The following CPNE8 variants were observed in gnomAD, a reference collection of about 807,000 sequenced individuals.
CPNE8 encodes the protein copine 8.
In CPNE8, 45 loss-of-function variants were observed where a neutral mutation model predicts 81.5. The ratio of observed to expected loss-of-function variants is 0.55; its 90% CI spans 0.44 to 0.71. The LOEUF (loss-of-function observed/expected upper bound fraction) is 0.71. CPNE8 is among the 30% of genes least tolerant of loss of function. CPNE8 has a pLI of 0.00. For missense variants in CPNE8, 594 were observed against 672.1 expected, an observed-to-expected ratio of 0.88 and a Z score of 1.28; for synonymous variants, 252 against 226.3, an observed-to-expected ratio of 1.11 and a Z score of -1.02.
chr12:38,783,966 A>G (rs1230390884), intron 6 of CPNE8, among the ~76,000 whole-genome samples: 1 of 152,212 alleles, frequency 6.6e-6, no homozygotes, highest in Non-Finnish European at 1.5e-5. Context: ...ATGTTCAATG[A>G]ACATCTACAA....
At chr12:38,831,993 T>A (rs146671391) in intron 5 of CPNE8, among the ~76,000 whole-genome samples, 1 of 152,326 alleles carries the variant, frequency 6.6e-6, no homozygotes, top group South Asian at 2.1e-4. Context: ...AGGATCATAT[T>A]AATATGGAGA....
intron 1 of CPNE8, 110 bp downstream of exon 1, chr12:38,905,327 T>C: frequency 7.9e-7 from 1 of 1,263,406 alleles, no homozygotes; most frequent in South Asian, 1.4e-5. Flanking sequence ...TTCCCACTCA[T>C]GGCGCAACTT....
At chr12:38,745,752 C>T (rs1565595060) in intron 10 of CPNE8, among the ~76,000 whole-genome samples, 1 of 152,070 alleles carries the variant, frequency 6.6e-6, no homozygotes, top group Admixed American at 6.6e-5. Flanking sequence ...ACTATGTTAC[C>T]CAGGCTGGTC....
At chr12:38,723,414 T>C (rs1332268319) in intron 13 of CPNE8, among the ~76,000 whole-genome samples, 1 of 152,182 alleles carries the variant, frequency 6.6e-6, no homozygotes, top group Non-Finnish European at 1.5e-5. Context: ...CTTAACCTAG[T>C]ATATACATTT....
At chr12:38,742,998 C>T (rs1412956150) in intron 10 of CPNE8, among the ~76,000 whole-genome samples, 7 of 151,838 alleles carry the variant, frequency 4.6e-5, no homozygotes, top group Non-Finnish European at 1.5e-5. Flanking sequence ...CTAAATAATT[C>T]TAAAACCCTC....
At chr12:38,723,255 G>A (rs921248737) in intron 13 of CPNE8, among the ~76,000 whole-genome samples, 3 of 152,048 alleles carry the variant, frequency 2.0e-5, no homozygotes, top group African/African-American at 7.2e-5. Context: ...CACAGGATCT[G>A]TCTGGGTTTT....
intron 3 of CPNE8, among the ~76,000 whole-genome samples, chr12:38,849,197 A>G (rs1943602905): frequency 6.6e-6 from 1 of 152,128 alleles, no homozygotes; most frequent in Admixed American, 6.5e-5. Context: ...TTTAATTCTT[A>G]CCATATCTAG....
At chr12:38,901,508 A>T (rs1409399335) in intron 1 of CPNE8, among the ~76,000 whole-genome samples, 2 of 152,224 alleles carry the variant, frequency 1.3e-5, no homozygotes, top group African/African-American at 2.4e-5. Flanking sequence ...ACCTTAGTTT[A>T]TCTCTCAAGG....
intron 4 of CPNE8, 125 bp downstream of exon 4, chr12:38,848,434 C>A: frequency 7.3e-7 from 1 of 1,378,646 alleles, no homozygotes; most frequent in Non-Finnish European, 9.4e-7. Context: ...ACACTCTGAA[C>A]AGAATTAATC....
intron 3 of CPNE8, among the ~76,000 whole-genome samples, chr12:38,870,603 G>A (rs1943977640): frequency 6.6e-6 from 1 of 152,092 alleles, no homozygotes; most frequent in Admixed American, 6.5e-5. Flanking sequence ...GAGAACACAT[G>A]GACACAGGGA....
At chr12:38,796,706 G>A (rs1165073545) in intron 6 of CPNE8, among the ~76,000 whole-genome samples, 2 of 152,122 alleles carry the variant, frequency 1.3e-5, no homozygotes, top group Non-Finnish European at 2.9e-5. Flanking sequence ...AGGACAGTGG[G>A]TGGAGCGCAC....
Position 38,687,370 on chromosome 12 carries a change from C to CTTTTTTTTTTTT in CPNE8, c.1144-1754_1144-1753insAAAAAAAAAAAA, listed in dbSNP as rs35643732. Reference sequence around the variant, plus strand: ...GCTACCAAATTACGAAATGCCAAGACTTTCTTTTTTTTTTTTTTTTTTTTT... The same window carrying CTTTTTTTTTTTT: ...GCTACCAAATTACGAAATGCCAAGACTTTTTTTTTTTTTTTCTTTTTTTTTTTTTTTTTTTTT... On this transcript the variant is annotated intron_variant, in intron 15 of 19. Transcript: ENST00000331366. Among the ~76,000 whole-genome samples the CTTTTTTTTTTTT allele has an allele frequency of 2.1e-5, 2 of 95,494 alleles. 1 individual carries two copies. Among genetic ancestry groups the CTTTTTTTTTTTT allele is most frequent in the Non-Finnish European group, 4.3e-5 (2 of 46,860 alleles). The allele number at this position is 95,494 out of a possible 152,430, so 62.6% of individuals were successfully genotyped here. A position where few individuals can be genotyped will look rare whatever the true frequency, so the allele number is the denominator to read the frequency against.
intron 5 of CPNE8, among the ~76,000 whole-genome samples, chr12:38,837,196 G>A (rs971472734): frequency 5.3e-5 from 8 of 151,994 alleles, no homozygotes; most frequent in Non-Finnish European, 1.2e-4. Context: ...GCATTTTTTT[G>A]TTAGAAGGAA....
chr12:38,682,231 G>A (rs1044650117), intron 16 of CPNE8, among the ~76,000 whole-genome samples: 13 of 151,106 alleles, frequency 8.6e-5, no homozygotes, highest in Admixed American at 2.6e-4. Flanking sequence ...AAACCAAAAA[G>A]GTTCTTTAGT....
At chr12:38,655,124 G>A (rs1345053142) in intron 19 of CPNE8, among the ~76,000 whole-genome samples, 1 of 152,096 alleles carries the variant, frequency 6.6e-6, no homozygotes, top group Non-Finnish European at 1.5e-5. Context: ...GGAACAAAAA[G>A]TAATTGCAGT....
Position 38,687,661 on chromosome 12 carries a change from C to T in CPNE8, c.1144-2044G>A, listed in dbSNP as rs544844398. On this transcript the variant is annotated intron_variant, in intron 15 of 19. Coordinates refer to ENST00000331366, the MANE Select transcript of CPNE8 (RefSeq NM_153634.3). ...CCTCCCAAAGTGCTGGGATTACAGG[C>T]GTGAGCCACCGCACCCGGCCAAAAT... Among the ~76,000 whole-genome samples, 15 of 152,192 alleles carry T rather than the reference C, an allele frequency of 9.9e-5. No individual in the cohort carries two copies. In the East Asian group the frequency reaches 2.3e-3, roughly 24 times the overall value.
chr12:38,690,216 T>C (rs993806385), intron 15 of CPNE8, among the ~76,000 whole-genome samples: 7 of 152,224 alleles, frequency 4.6e-5, no homozygotes, highest in Non-Finnish European at 1.0e-4. Context: ...AGGTAGTTCA[T>C]GAAAGACAAG....
chr12:38,660,931 T>G (rs1323090368), intron 19 of CPNE8, among the ~76,000 whole-genome samples: 3 of 152,148 alleles, frequency 2.0e-5, no homozygotes, highest in African/African-American at 4.8e-5. Context: ...CCAGTTAGAA[T>G]GGCAATCATT....
rs1328366282 is a variant in CPNE8, at chr12:38,699,830, C to T, written c.961+3045G>A. On this transcript the variant is annotated intron_variant, in intron 14 of 19. Transcript: ENST00000331366. ...AAGTATAATATTCCTTTTGATACTACGATAAAGGAAATTGTTTTCTGAATT... is the reference window on the plus strand; with the variant it reads ...AAGTATAATATTCCTTTTGATACTATGATAAAGGAAATTGTTTTCTGAATT... 1.1e-4 allele frequency among the ~76,000 whole-genome samples: 16 copies of T among 152,126 alleles called. No individual in the cohort carries two copies. In the Middle Eastern group the frequency reaches 0.01, roughly 97 times the overall value.
Sources: gnomAD v4.1 joint callset for allele counts (sites outside exome capture counted in the v4.1 genomes callset) on GRCh38, gnomAD v4.1.1 for gene constraint, MANE v1.5 for transcripts, NCBI Gene and HGNC (gene_info 2026-07-23, HGNC 2026-07-21) for gene names.